ZNF557: variants seen among roughly 807,000 people sequenced by gnomAD.
The protein encoded by ZNF557 is zinc finger protein 557.
A neutral mutation model predicts 21.2 loss-of-function variants in ZNF557; 19 were observed. That is an observed-to-expected ratio of 0.90 (90% CI 0.63 to 1.32). The LOEUF (loss-of-function observed/expected upper bound fraction) is 1.32. Among genes scored for constraint, ZNF557 ranks in the 40% most tolerant of loss-of-function variants. The pLI is 0.00. For synonymous variants in ZNF557, 207 were observed against 194.8 expected (o/e 1.06, Z -0.52); for missense variants, 487 against 519.8 (o/e 0.94, Z 0.61).
At position 7,069,711 on chromosome 19, in the gene ZNF557, A is replaced by G. The variant is rs1271683506; in HGVS notation, c.-234A>G. 1 of 152,264 alleles carries G rather than the reference A, an allele frequency of 6.6e-6. No homozygotes were observed. The highest frequency in any genetic ancestry group is 6.5e-5 in the Admixed American group (1 of 15,292). 9.4% of individuals were successfully genotyped at this position (152,264 alleles called of 1,614,324 possible). A position where few individuals can be genotyped will look rare whatever the true frequency, so the allele number is the denominator to read the frequency against. ...AGCGGAAGCGCGCTTGTGTCTTGTGAGAAGAGCCGCGCTTGCAGCGTCTGG... is the reference window on the plus strand; with the variant it reads ...AGCGGAAGCGCGCTTGTGTCTTGTGGGAAGAGCCGCGCTTGCAGCGTCTGG... On this transcript the variant is annotated 5_prime_UTR_variant, in exon 1 of 8. Transcript: ENST00000252840.
chr19:7,079,756 T>C (rs1050728149), intron 5 of ZNF557, among the ~76,000 whole-genome samples: 1 of 152,156 alleles, frequency 6.6e-6, no homozygotes, highest in Non-Finnish European at 1.5e-5. Flanking sequence ...AGCTTAGTGT[T>C]CAGCTTGGGA....
chr19:7,072,115 C>CA (rs71177148), intron 2 of ZNF557, among the ~76,000 whole-genome samples: 73 of 67,296 alleles, frequency 1.1e-3, no homozygotes, highest in East Asian at 1.6e-3. Flanking sequence ...GACTCCGTCT[C>CA]AAAAAAAAAA....
Position 7,084,012 on chromosome 19 carries a change from AGGGACC to A in ZNF557, c.*269_*274del. On this transcript the variant is annotated 3_prime_UTR_variant, in exon 8 of 8. Transcript: ENST00000252840. The stretch of plus-strand genomic sequence containing the variant: ...AATCATCCAGAATTGTTACTGGTGA[AGGGACC>A]ACTTCCAAATGGCTTACAAGCCCGA... 1 of 387,862 alleles carries A rather than the reference AGGGACC, an allele frequency of 2.6e-6. No individual in the cohort carries two copies. Among genetic ancestry groups the A allele is most frequent in the Non-Finnish European group, 4.7e-6 (1 of 213,896 alleles). 24.0% of individuals were successfully genotyped at this position (387,862 alleles called of 1,614,324 possible).
rs1406849596 is a variant in ZNF557 at position 7,081,957 on chromosome 19, T to G, written c.344-13T>G. The G allele has an allele frequency of 6.2e-7, 1 of 1,607,284 alleles. No individual in the cohort carries two copies. The highest frequency in any genetic ancestry group is 8.5e-7 in the Non-Finnish European group (1 of 1,175,850). ...TTTTCTATCAACTTAAATTTCTTTTTAACTTGTTTCAGATGTGGAGAATCC... is the reference window on the plus strand; with the variant it reads ...TTTTCTATCAACTTAAATTTCTTTTGAACTTGTTTCAGATGTGGAGAATCC... On this transcript the variant is annotated splice_polypyrimidine_tract_variant and intron_variant, in intron 6 of 7. Transcript: ENST00000252840.
chr19:7,083,277 C>T lies in ZNF557; in HGVS notation c.826C>T (p.Gln276Ter), dbSNP rs751346139. 2.5e-6 allele frequency: 4 copies of T among 1,614,070 alleles called. No individual in the cohort carries two copies. Among genetic ancestry groups the T allele is most frequent in the Non-Finnish European group, 3.4e-6 (4 of 1,180,040 alleles). Residue 276 changes from glutamine (Q) to a stop codon, truncating the protein, a stop_gained, in exon 8 of 8, where the codon CAG (glutamine) becomes TAG (stop). Coordinates refer to ENST00000252840, the MANE Select transcript of ZNF557 (RefSeq NM_024341.3). LOFTEE classifies it low-confidence loss of function (END_TRUNC). ...CNQCFREFRTQSIFTRHKRVH... is the reference protein window; with the variant it reads ...CNQCFREFRT Reference sequence around the variant, plus strand: ...CCAGTGTTTTCGTGAGTTCCGCACTCAGTCAATCTTCACAAGGCACAAGAG... The same window carrying T: ...CCAGTGTTTTCGTGAGTTCCGCACTTAGTCAATCTTCACAAGGCACAAGAG...
Position 7,084,073 on chromosome 19 carries a change from C to T in ZNF557, c.*329C>T, listed in dbSNP as rs554166885. On this transcript the variant is annotated 3_prime_UTR_variant, in exon 8 of 8. Transcript: ENST00000252840. ...TGCATGCTAGCTGTTTCCAAGGGAG[C>T]TGCGCTTCCAAATCACGTAGGCCTC... 22 of 234,372 alleles carry T rather than the reference C, an allele frequency of 9.4e-5. No homozygotes were observed. In the East Asian group the frequency reaches 2.1e-3, roughly 22 times the overall value. The allele number at this position is 234,372 out of a possible 1,614,324, so 14.5% of individuals were successfully genotyped here. A position where few individuals can be genotyped will look rare whatever the true frequency, so the allele number is the denominator to read the frequency against.
At chr19:7,080,618 C>T (rs1977680798) in intron 5 of ZNF557, among the ~76,000 whole-genome samples, 1 of 152,166 alleles carries the variant, frequency 6.6e-6, no homozygotes, top group African/African-American at 2.4e-5. Context: ...GAATAAGGTG[C>T]ATTCTGTTCC....
chr19:7,077,883 C>G (rs1257477789), intron 5 of ZNF557, among the ~76,000 whole-genome samples: 1 of 151,940 alleles, frequency 6.6e-6, no homozygotes, highest in Non-Finnish European at 1.5e-5. Flanking sequence ...GTTTTTATTT[C>G]TATTCCCTAA....
chr19:7,083,037 G>C lies in ZNF557; in HGVS notation c.586G>C (p.Ala196Pro). 2 of 1,613,974 alleles carry C rather than the reference G, an allele frequency of 1.2e-6. No homozygotes were observed. Among genetic ancestry groups the C allele is most frequent in the Admixed American group, 1.7e-5 (1 of 59,992 alleles). Residue 196 changes from alanine (A) to proline (P), a missense_variant, in exon 8 of 8, where the codon GCT becomes CCT. By Grantham distance (27) the Ala-to-Pro change is conservative. Transcript: ENST00000252840. The stretch of plus-strand genomic sequence containing the variant: ...ATCCTACAGCAGTAGATCTTACCTT[G>C]CTGTTCATAAGAGAATCCACAATGG... Reference protein sequence around the residue: ...GKSYSSRSYLAVHKRIHNGEK... With the variant: ...GKSYSSRSYLPVHKRIHNGEK...
At position 7,087,226 on chromosome 19, in the gene ZNF557, T is replaced by TTTTTTTTTTTTTTTTGTTTTTTTCC. The variant is rs1555730813; in HGVS notation, c.*3482_*3483insTTTTTTTTTTTTTTTGTTTTTTTCC. On this transcript the variant is annotated 3_prime_UTR_variant, in exon 8 of 8. Coordinates refer to ENST00000252840, the MANE Select transcript of ZNF557 (RefSeq NM_024341.3). ...GCTTTTTTTTTTTTTTTTTTTTTTT[T>TTTTTTTTTTTTTTTTGTTTTTTTCC]CTTCACTGTGGTGATAAAAACCACA... The TTTTTTTTTTTTTTTTGTTTTTTTCC allele has an allele frequency of 1.1e-5, 1 of 87,560 alleles. No homozygotes were observed. The highest frequency in any genetic ancestry group is 2.1e-5 in the Non-Finnish European group (1 of 47,462). The allele number at this position is 87,560 out of a possible 1,614,324, so 5.4% of individuals were successfully genotyped here. A position where few individuals can be genotyped will look rare whatever the true frequency, so the allele number is the denominator to read the frequency against.
chr19:7,079,530 G>A lies in ZNF557; in HGVS notation c.248-1830G>A, dbSNP rs145080941. On this transcript the variant is annotated intron_variant, in intron 5 of 7. Coordinates refer to ENST00000252840, the MANE Select transcript of ZNF557 (RefSeq NM_024341.3). ...GCTGGGATTACAGCCATGAGCCACCGCGCCCGGCCCATTTTTTTGTTTCTT... is the reference window on the plus strand; with the variant it reads ...GCTGGGATTACAGCCATGAGCCACCACGCCCGGCCCATTTTTTTGTTTCTT... Among the ~76,000 whole-genome samples the A allele has an allele frequency of 7.6e-3, 1,163 of 152,100 alleles. 14 individuals are homozygous for A. The highest frequency in any genetic ancestry group is 0.036 in the East Asian group (184 of 5,172).
In ZNF557 at chr19:7,082,950, C is replaced by G; in HGVS notation, c.499C>G (p.Leu167Val). The change falls in exon 8 of 8, where the codon CTT becomes GTT. Residue 167 changes from leucine to valine, a missense_variant. Physicochemically the swap from Leu to Val is conservative, Grantham distance 32 (BLOSUM62 1). Transcript: ENST00000252840. Reference protein sequence around the residue: ...CFKVFSTKSSLTRHRKIHTGE... With the variant: ...CFKVFSTKSSVTRHRKIHTGE... ...TAAAGTCTTCAGCACAAAATCTTCC[C>G]TTACACGGCACAGGAAGATTCATAC... 6.2e-7 allele frequency: 1 copy of G among 1,613,632 alleles called. No individual in the cohort carries two copies. The highest frequency in any genetic ancestry group is 8.5e-7 in the Non-Finnish European group (1 of 1,179,774).
chr19:7,082,515 T>C (rs942913281), intron 7 of ZNF557, among the ~76,000 whole-genome samples: 6 of 152,106 alleles, frequency 3.9e-5, no homozygotes, highest in Non-Finnish European at 7.4e-5. Flanking sequence ...GGAGAGATAC[T>C]GTGAAATTAT....
intron 1 of ZNF557, among the ~76,000 whole-genome samples, chr19:7,070,035 G>A (rs911605762): frequency 3.3e-5 from 5 of 152,306 alleles, no homozygotes; most frequent in East Asian, 3.9e-4. Context: ...GGGTAGGAGG[G>A]ACTGTGCTAC....
In ZNF557 at chr19:7,083,438, CAGG is replaced by C. The variant is rs1322392204; in HGVS notation, c.994_996del (p.Arg332del). 6.2e-7 allele frequency: 1 copy of C among 1,614,158 alleles called. No homozygotes were observed. The highest frequency in any genetic ancestry group is 8.5e-7 in the Non-Finnish European group (1 of 1,180,032). On this transcript the variant is annotated inframe_deletion, in exon 8 of 8. Transcript: ENST00000252840. ...AATGCCACGATTGTGGGAGAACCTT[CAGG>C]AGGAGGTCGAATCTGACACAGCACA...
intron 4 of ZNF557, among the ~76,000 whole-genome samples, 156 bp from the exon 5 acceptor site, chr19:7,076,225 G>C (rs1977584857): frequency 6.6e-6 from 1 of 152,182 alleles, no homozygotes; most frequent in African/African-American, 2.4e-5. Context: ...TCAGAAGCCA[G>C]GGAGAAGAGC....
chr19:7,078,713 G>T (rs1247687186), intron 5 of ZNF557, among the ~76,000 whole-genome samples: 1 of 152,056 alleles, frequency 6.6e-6, no homozygotes, highest in Non-Finnish European at 1.5e-5. Context: ...ATTAGAGCGT[G>T]ACCCATTGCA....
At position 7,087,143 on chromosome 19, in the gene ZNF557, CTCA is replaced by C. The variant is rs1977870821; in HGVS notation, c.*3402_*3404del. The C allele has an allele frequency of 8.8e-6, 1 of 113,598 alleles. No homozygotes were observed. The highest frequency in any genetic ancestry group is 2.8e-4 in the South Asian group (1 of 3,548). The allele number at this position is 113,598 out of a possible 1,614,324, so 7.0% of individuals were successfully genotyped here. On this transcript the variant is annotated 3_prime_UTR_variant, in exon 8 of 8. Transcript: ENST00000252840. ...TGGGTGAGACACCGTCTGGCTTATT[CTCA>C]TCTATTTTCTTTTCATTCTTTTGGA...
chr19:7,079,569 A>G lies in ZNF557; in HGVS notation c.248-1791A>G, dbSNP rs183360581. On this transcript the variant is annotated intron_variant, in intron 5 of 7. Coordinates refer to ENST00000252840, the MANE Select transcript of ZNF557 (RefSeq NM_024341.3). The stretch of plus-strand genomic sequence containing the variant: ...TTTTTGTTTCTTTACATGCCTCATA[A>G]TTTATTTGCTGAAAACTACTTTCAG... Among the ~76,000 whole-genome samples, 553 of 152,058 alleles carry G rather than the reference A, an allele frequency of 3.6e-3. 17 individuals are homozygous for G. Among genetic ancestry groups the G allele is most frequent in the Admixed American group, 0.033 (499 of 15,250 alleles).
Sources: gnomAD v4.1 joint callset for allele counts (sites outside exome capture counted in the v4.1 genomes callset) on GRCh38, gnomAD v4.1.1 for gene constraint, MANE v1.5 for transcripts, NCBI Gene and HGNC (gene_info 2026-07-23, HGNC 2026-07-21) for gene names.